The following PIK3CA variants were observed in gnomAD, a reference collection of about 807,000 sequenced individuals.
PIK3CA encodes the protein phosphatidylinositol 4,5-bisphosphate 3-kinase catalytic subunit alpha isoform.
Under a neutral mutation model 138.2 loss-of-function variants are expected in PIK3CA, and 27 were observed. The observed-to-expected ratio is 0.20, with a 90% confidence interval of 0.14 to 0.27. The LOEUF (loss-of-function observed/expected upper bound fraction) is 0.27, where lower values mean the gene tolerates loss of function less well. Ranked by LOEUF, PIK3CA falls within the 10% of genes least tolerant of loss-of-function variation. The probability of loss-of-function intolerance (pLI) is 1.00; values close to 1 mark genes in which losing one functional copy is unlikely to be tolerated. For synonymous variants in PIK3CA, 358 were observed against 413.2 expected (o/e 0.87, Z 1.62); for missense variants, 544 against 1,277.4 (o/e 0.43, Z 8.75).
intron 14 of PIK3CA, among the ~76,000 whole-genome samples, chr3:179,223,318 T>G (rs1725010332): frequency 6.6e-6 from 1 of 152,208 alleles, no homozygotes; most frequent in Non-Finnish European, 1.5e-5. Flanking sequence ...ATTTTATATT[T>G]TCAATAGGTG....
At chr3:179,158,098 C>T (rs948234688) in intron 1 of PIK3CA, among the ~76,000 whole-genome samples, 1 of 152,086 alleles carries the variant, frequency 6.6e-6, no homozygotes, top group African/African-American at 2.4e-5. Flanking sequence ...TCTGTCCCTT[C>T]CAAGAATTTA....
Position 179,226,526 on chromosome 3 carries a change from C to T in PIK3CA, c.2495+486C>T, listed in dbSNP as rs537334859. Among the ~76,000 whole-genome samples, 5 of 152,240 alleles carry T rather than the reference C, an allele frequency of 3.3e-5. 1 individual carries two copies. The South Asian group carries it at 1.0e-3, about 32-fold the overall frequency. On this transcript the variant is annotated intron_variant, in intron 17 of 20. Coordinates refer to ENST00000263967, the MANE Select transcript of PIK3CA (RefSeq NM_006218.4). ...CACCAAGTTTTCTGTCATGCTTCAT[C>T]TTCTCCTAGTCATTGTTGCTTCTAA... is the stretch of plus-strand genomic sequence containing the variant.
Position 179,239,740 on chromosome 3 carries a change from C to T in PIK3CA, c.*5376C>T, listed in dbSNP as rs1212688843. On this transcript the variant is annotated 3_prime_UTR_variant, in exon 21 of 21. Coordinates refer to ENST00000263967, the MANE Select transcript of PIK3CA (RefSeq NM_006218.4). ...AGCTTTATCAAGAAATTCGAACCAC[C>T]CTTTTGGCCCCATTAATTGTAGCAA... The T allele has an allele frequency of 1.1e-5, 4 of 376,946 alleles. No individual in the cohort carries two copies. The East Asian group carries it at 1.5e-4, about 15-fold the overall frequency. 23.4% of individuals were successfully genotyped at this position (376,946 alleles called of 1,614,324 possible).
chr3:179,192,362 C>G (rs557836702), intron 1 of PIK3CA, among the ~76,000 whole-genome samples: 15 of 152,344 alleles, frequency 9.8e-5, no homozygotes, highest in African/African-American at 3.6e-4. Flanking sequence ...GGGATAACTT[C>G]AGAATTACTC....
intron 6 of PIK3CA, among the ~76,000 whole-genome samples, chr3:179,205,663 T>C (rs979058183): frequency 6.6e-6 from 1 of 152,212 alleles, no homozygotes; most frequent in Non-Finnish European, 1.5e-5. Context: ...TATTACTGCC[T>C]GGATGTGATG....
intron 1 of PIK3CA, chr3:179,149,715 G>C (rs956900686): frequency 1.6e-4 from 25 of 152,170 alleles, no homozygotes; most frequent in African/African-American, 6.0e-4. Context: ...TAGAATACTT[G>C]GGTAGGTAAA....
chr3:179,218,194 T>C lies in PIK3CA; in HGVS notation c.1540-16T>C, dbSNP rs200874395. 2 of 1,535,780 alleles carry C rather than the reference T, an allele frequency of 1.3e-6. No homozygotes were observed. Among genetic ancestry groups the C allele is most frequent in the Non-Finnish European group, 1.8e-6 (2 of 1,137,436 alleles). ...ATGACAAAGAAAGCTATATAAGATATTATTTTATTTTACAGAGTAACAGAC... is the reference window on the plus strand; with the variant it reads ...ATGACAAAGAAAGCTATATAAGATACTATTTTATTTTACAGAGTAACAGAC... On this transcript the variant is annotated splice_polypyrimidine_tract_variant and intron_variant, in intron 9 of 20. Transcript: ENST00000263967.
At position 179,240,073 on chromosome 3, in the gene PIK3CA, T is replaced by TA. The variant is rs371410608; in HGVS notation, c.*5720dup. ...CAGTCTGTAACATCACGCTGTTTATTAAAAAAAAAAAGAAAAATTACTTTT... is the reference window on the plus strand; with the variant it reads ...CAGTCTGTAACATCACGCTGTTTATTAAAAAAAAAAAAGAAAAATTACTTTT... On this transcript the variant is annotated 3_prime_UTR_variant, in exon 21 of 21. Coordinates refer to ENST00000263967, the MANE Select transcript of PIK3CA (RefSeq NM_006218.4). The TA allele has an allele frequency of 0.03, 33,753 of 1,112,254 alleles. No individual in the cohort carries two copies. Among genetic ancestry groups the TA allele is most frequent in the South Asian group, 0.036 (1,996 of 55,364 alleles). 68.9% of individuals were successfully genotyped at this position (1,112,254 alleles called of 1,614,324 possible).
intron 1 of PIK3CA, among the ~76,000 whole-genome samples, chr3:179,183,167 A>C (rs1316153766): frequency 6.6e-6 from 1 of 152,226 alleles, no homozygotes; most frequent in African/African-American, 2.4e-5. Context: ...CTATTAGTCA[A>C]TAATTGCTTG....
intron 6 of PIK3CA, among the ~76,000 whole-genome samples, chr3:179,205,219 A>ATT (rs1724529339): frequency 6.6e-6 from 1 of 151,758 alleles, no homozygotes; most frequent in South Asian, 2.1e-4. Flanking sequence ...ATATATATAT[A>ATT]TTTTACATCA....
intron 1 of PIK3CA, among the ~76,000 whole-genome samples, chr3:179,153,171 A>G (rs1007110315): frequency 6.6e-6 from 1 of 152,234 alleles, no homozygotes; most frequent in African/African-American, 2.4e-5. Flanking sequence ...ATTCCAGAAC[A>G]TAGGCACAAA....
intron 1 of PIK3CA, among the ~76,000 whole-genome samples, chr3:179,157,623 C>G (rs1026661622): frequency 6.6e-6 from 1 of 151,766 alleles, no homozygotes; most frequent in African/African-American, 2.4e-5. Context: ...TGTTTGTTTA[C>G]TCTAAAACTA....
At chr3:179,225,873 T>C (rs1725070122) in intron 16 of PIK3CA, 89 bp from the exon 17 acceptor site, 2 of 670,766 alleles carry the variant, frequency 3.0e-6, no homozygotes, top group Non-Finnish European at 5.5e-6. Context: ...ATAGCTGTAT[T>C]TGTTTTTCAT....
intron 9 of PIK3CA, among the ~76,000 whole-genome samples, chr3:179,212,944 TAGTTA>T (rs1416556028): frequency 6.6e-6 from 1 of 152,218 alleles, no homozygotes; most frequent in Non-Finnish European, 1.5e-5. Flanking sequence ...TAGTCATTTG[TAGTTA>T]AGTTTTTGGG....
Position 179,173,404 on chromosome 3 carries a change from C to CAAAA in PIK3CA, c.-77+24822_-77+24825dup, listed in dbSNP as rs749831764. ...TGAAACCCCGTCTCTGCTAAAAATA[C>CAAAA]AAAAAAAAAAAAAAAAAAAAAAAAC... is the stretch of plus-strand genomic sequence containing the variant. On this transcript the variant is annotated intron_variant, in intron 1 of 20. Transcript: ENST00000263967. 6.0e-4 allele frequency among the ~76,000 whole-genome samples: 26 copies of CAAAA among 43,102 alleles called. 1 individual carries two copies. Among genetic ancestry groups the CAAAA allele is most frequent in the African/African-American group, 1.0e-3 (13 of 12,594 alleles). 28.3% of individuals were successfully genotyped at this position (43,102 alleles called of 152,430 possible). A position where few individuals can be genotyped will look rare whatever the true frequency, so the allele number is the denominator to read the frequency against.
intron 1 of PIK3CA, among the ~76,000 whole-genome samples, chr3:179,163,486 T>TA (rs1560124524): frequency 6.6e-6 from 1 of 151,848 alleles, no homozygotes. Flanking sequence ...TCCCTATCTT[T>TA]AAAAAAACAA....
At chr3:179,199,577 T>C (rs1724356080) in intron 2 of PIK3CA, 113 bp from the exon 3 acceptor site, 1 of 732,006 alleles carries the variant, frequency 1.4e-6, no homozygotes, top group Non-Finnish European at 2.2e-6. Context: ...TAGCGGTACT[T>C]TTTTTACTTT....
intron 1 of PIK3CA, among the ~76,000 whole-genome samples, chr3:179,165,792 C>T (rs1723402911): frequency 6.6e-6 from 1 of 152,182 alleles, no homozygotes; most frequent in Admixed American, 6.5e-5. Context: ...TTGTGGACCC[C>T]TGTTCTTGTG....
chr3:179,199,241 A>G, intron 2 of PIK3CA, 64 bp downstream of exon 2: 2 of 1,083,488 alleles, frequency 1.8e-6, no homozygotes, highest in East Asian at 4.9e-5. Flanking sequence ...GTCCCTTTCT[A>G]AAATATTTCT....
Sources: allele counts gnomAD v4.1 joint callset (sites outside exome capture counted in the v4.1 genomes callset), GRCh38; gene constraint gnomAD v4.1.1; transcripts MANE v1.5; gene names NCBI Gene and HGNC (gene_info 2026-07-23, HGNC 2026-07-21).